The following TMEM245 variants were observed in gnomAD, a reference collection of about 807,000 sequenced individuals.
The protein encoded by TMEM245 is transmembrane protein 245.
A neutral mutation model predicts 101.2 loss-of-function variants in TMEM245; 69 were observed. The ratio of observed to expected loss-of-function variants is 0.68; its 90% confidence interval spans 0.56 to 0.83. The LOEUF is 0.83. Ranked by LOEUF, TMEM245 falls within the 40% of genes least tolerant of loss-of-function variation. The pLI is 0.00. For synonymous variants in TMEM245, 537 were observed against 449.8 expected (o/e 1.19, Z -2.45); for missense variants, 1,075 against 1,092.8 (o/e 0.98, Z 0.23).
In TMEM245 at chr9:109,106,545, A is replaced by T; in HGVS notation, c.762T>A (p.Gly254=). 1 of 1,612,614 alleles carries T rather than the reference A, an allele frequency of 6.2e-7. No homozygotes were observed. Among genetic ancestry groups the T allele is most frequent in the South Asian group, 1.1e-5 (1 of 90,858 alleles). ...FLVIVFLMSV[G]TLYEKQNGKE... ...TTCCATTCTGTTTTTCATAGAGGGTACCCACAGACATCAGGAAAACAATAA... is the reference window on the plus strand; with the variant it reads ...TTCCATTCTGTTTTTCATAGAGGGTTCCCACAGACATCAGGAAAACAATAA... Residue 254 remains glycine (G), a synonymous_variant, in exon 3 of 18, where the codon GGT becomes GGA. Coordinates refer to ENST00000374586, the MANE Select transcript of TMEM245 (RefSeq NM_032012.4).
chr9:109,119,862 C>A lies in TMEM245; in HGVS notation c.52G>T (p.Gly18Trp). 1.5e-6 allele frequency: 2 copies of A among 1,323,108 alleles called. No individual in the cohort carries two copies. The highest frequency in any genetic ancestry group is 4.2e-5 in the Admixed American group (1 of 24,066). The allele number at this position is 1,323,108 out of a possible 1,614,324, so 82.0% of individuals were successfully genotyped here. The change falls in exon 1 of 18, where the codon GGG becomes TGG. Residue 18 changes from glycine (G) to tryptophan (W), a missense_variant. By Grantham distance (184) the Gly-to-Trp change is radical. Around this residue, in one of 2 missense-constraint regions of TMEM245, gnomAD observed 808 missense variants for 741.5 expected, o/e 1.09. Coordinates refer to ENST00000374586, the MANE Select transcript of TMEM245 (RefSeq NM_032012.4). ...GCGCGCGGGACCCGCGGCGCCGGCCCGGGAGAGCTCCGCAGGCTTGGCGCG... is the reference window on the plus strand; with the variant it reads ...GCGCGCGGGACCCGCGGCGCCGGCCAGGGAGAGCTCCGCAGGCTTGGCGCG... ...KDAPSLRSSP[G>W]PAPRVPRAVG...
At chr9:109,028,472 C>G (rs1827854645) in intron 17 of TMEM245, among the ~76,000 whole-genome samples, 1 of 145,792 alleles carries the variant, frequency 6.9e-6, no homozygotes, top group Non-Finnish European at 1.5e-5. Context: ...AAAAAAAAAT[C>G]CAAAATGCTC....
At chr9:109,116,540 C>CT (rs60227718) in intron 1 of TMEM245, among the ~76,000 whole-genome samples, 15,156 of 147,638 alleles carry the variant, frequency 0.1, 1,618 homozygotes, top group African/African-American at 0.27. Flanking sequence ...TTTTTTTTTT[C>CT]TTTTTTTTTG....
intron 9 of TMEM245, among the ~76,000 whole-genome samples, chr9:109,072,224 G>A (rs1307348998): frequency 6.7e-6 from 1 of 149,800 alleles, no homozygotes; most frequent in Non-Finnish European, 1.5e-5. Flanking sequence ...TCTCTTATCT[G>A]TAAACACTGT....
intron 8 of TMEM245, among the ~76,000 whole-genome samples, chr9:109,079,279 A>T (rs1273833453): frequency 6.6e-6 from 1 of 151,996 alleles, no homozygotes; most frequent in Non-Finnish European, 1.5e-5. Context: ...ATCCCAGGAC[A>T]TATTAGGAAG....
chr9:109,099,430 AC>A (rs1231250829), intron 3 of TMEM245, among the ~76,000 whole-genome samples: 1 of 152,230 alleles, frequency 6.6e-6, no homozygotes, highest in African/African-American at 2.4e-5. Flanking sequence ...CTAGTCATTT[AC>A]AAACAATTAC....
chr9:109,047,662 C>G (rs932484441), intron 14 of TMEM245, among the ~76,000 whole-genome samples: 1 of 152,098 alleles, frequency 6.6e-6, no homozygotes, highest in African/African-American at 2.4e-5. Flanking sequence ...GAAAGCAGAA[C>G]AAGAGAAAAT....
At chr9:109,095,765 G>A (rs62575238) in intron 3 of TMEM245, among the ~76,000 whole-genome samples, 8,114 of 152,236 alleles carry the variant, frequency 0.053, 339 homozygotes, top group South Asian at 0.14. Context: ...ATACAGAACA[G>A]CATCATCACT....
chr9:109,054,839 G>A (rs1828785706), intron 12 of TMEM245, among the ~76,000 whole-genome samples: 2 of 152,140 alleles, frequency 1.3e-5, no homozygotes, highest in African/African-American at 4.8e-5. Context: ...TTATTAAAAT[G>A]AAGGCAACTA....
At chr9:109,086,107 G>C (rs1829827407) in intron 6 of TMEM245, 87 bp from the exon 7 acceptor site, 4 of 1,414,712 alleles carry the variant, frequency 2.8e-6, no homozygotes, top group Admixed American at 1.8e-5. Context: ...AAAAGAAAAG[G>C]AAAGCATGAG....
intron 17 of TMEM245, among the ~76,000 whole-genome samples, chr9:109,024,062 T>C (rs1827722271): frequency 6.6e-6 from 1 of 152,070 alleles, no homozygotes; most frequent in South Asian, 2.1e-4. Flanking sequence ...CCCTCTTCCC[T>C]CCATGTAAAT....
Position 109,033,513 on chromosome 9 carries a change from A to G in TMEM245, c.2400-12T>C. 6.3e-7 allele frequency: 1 copy of G among 1,575,892 alleles called. No homozygotes were observed. The highest frequency in any genetic ancestry group is 8.6e-7 in the Non-Finnish European group (1 of 1,162,520). ...AAGGATGGCCACCTCTGGAATAAAG[A>G]GCACGACCTTTAACACACAAAAACT... On this transcript the variant is annotated splice_polypyrimidine_tract_variant and intron_variant, in intron 16 of 17. Coordinates refer to ENST00000374586, the MANE Select transcript of TMEM245 (RefSeq NM_032012.4).
At chr9:109,057,035 T>C (rs1464769487) in intron 12 of TMEM245, among the ~76,000 whole-genome samples, 156 bp downstream of exon 12, 1 of 152,194 alleles carries the variant, frequency 6.6e-6, no homozygotes, top group African/African-American at 2.4e-5. Context: ...CCTATGGCTT[T>C]TGAACATCAT....
In TMEM245 at chr9:109,060,367, G is replaced by T; in HGVS notation, c.1709C>A (p.Ser570Tyr). ...VLELWDRLYH[S>Y]WFVKNVTHSG... is the part of the protein sequence containing the mutation. The stretch of plus-strand genomic sequence containing the variant: ...AAAATAACTTACCTTTACAAACCAA[G>T]AGTGATACAGTCTGTCCCAAAGTTC... Residue 570 changes from serine to tyrosine, a missense_variant, in exon 11 of 18, where the codon TCT becomes TAT. By Grantham distance (144) the Ser-to-Tyr change is moderately radical. Transcript: ENST00000374586. The T allele has an allele frequency of 6.2e-7, 1 of 1,611,786 alleles. No homozygotes were observed. The highest frequency in any genetic ancestry group is 8.5e-7 in the Non-Finnish European group (1 of 1,178,858).
chr9:109,108,160 C>T (rs1830475733), intron 2 of TMEM245, among the ~76,000 whole-genome samples: 2 of 152,084 alleles, frequency 1.3e-5, no homozygotes, highest in Admixed American at 6.6e-5. Context: ...TTATCTATAT[C>T]TTCCCCTAAG....
At chr9:109,062,752 C>T (rs936808117) in intron 10 of TMEM245, among the ~76,000 whole-genome samples, 2 of 152,176 alleles carry the variant, frequency 1.3e-5, no homozygotes, top group African/African-American at 2.4e-5. Flanking sequence ...GGAAGGATTG[C>T]GTAAGCACAG....
intron 9 of TMEM245, among the ~76,000 whole-genome samples, chr9:109,070,298 A>G (rs1588050164): frequency 6.6e-6 from 1 of 152,226 alleles, no homozygotes; most frequent in Admixed American, 6.5e-5. Context: ...CTCTACTTAC[A>G]ACAGTCACCT....
chr9:109,043,228 C>T (rs1828371913), intron 14 of TMEM245, among the ~76,000 whole-genome samples: 1 of 152,186 alleles, frequency 6.6e-6, no homozygotes, highest in Non-Finnish European at 1.5e-5. Flanking sequence ...GTCTTACTAT[C>T]TATGAAAGAC....
intron 5 of TMEM245, among the ~76,000 whole-genome samples, chr9:109,090,045 A>C (rs987091826): frequency 1.3e-5 from 2 of 151,546 alleles, no homozygotes; most frequent in African/African-American, 4.8e-5. Context: ...CGGATGACTT[A>C]AGGTAAGGAT....
Sources: allele counts gnomAD v4.1 joint callset (sites outside exome capture counted in the v4.1 genomes callset), GRCh38; gene constraint gnomAD v4.1.1; regional missense constraint gnomAD v4.1.1; transcripts MANE v1.5; gene names NCBI Gene and HGNC (gene_info 2026-07-23, HGNC 2026-07-21).